UBASH3B: variants seen among roughly 807,000 people sequenced by gnomAD.
The protein encoded by UBASH3B is ubiquitin associated and SH3 domain containing B.
Under a neutral mutation model 83.4 loss-of-function variants are expected in UBASH3B, and 37 were observed. The ratio of observed to expected loss-of-function variants is 0.44; its 90% CI spans 0.34 to 0.58. UBASH3B has a LOEUF of 0.58. Ranked by LOEUF, UBASH3B falls within the 20% of genes least tolerant of loss-of-function variation. The pLI, the probability that UBASH3B is intolerant of heterozygous loss-of-function variation, is 0.01. For missense variants in UBASH3B, 657 were observed against 827.2 expected, an observed-to-expected ratio of 0.79 and a Z score of 2.52; for synonymous variants, 304 against 318.3, an observed-to-expected ratio of 0.96 and a Z score of 0.48.
chr11:122,670,111 G>T (rs965897284), intron 1 of UBASH3B, among the ~76,000 whole-genome samples: 1 of 152,156 alleles, frequency 6.6e-6, no homozygotes, highest in African/African-American at 2.4e-5. Context: ...CTAGTGATGT[G>T]GTCTGGAGTT....
intron 1 of UBASH3B, among the ~76,000 whole-genome samples, chr11:122,762,455 C>A (rs1193604511): frequency 1.3e-5 from 2 of 152,210 alleles, no homozygotes; most frequent in African/African-American, 4.8e-5. Flanking sequence ...AGGGCTATCA[C>A]TCTTCTGTTA....
chr11:122,779,334 A>C, intron 3 of UBASH3B, 163 bp from the exon 4 acceptor site: 1 of 699,880 alleles, frequency 1.4e-6, no homozygotes, highest in South Asian at 1.7e-5. Context: ...TGTCTGAATA[A>C]TTGGAAGTCT....
In UBASH3B at chr11:122,789,163, G is replaced by T. The variant is rs1251480401; in HGVS notation, c.835G>T (p.Asp279Tyr). The change falls in exon 6 of 14, where the codon GAC becomes TAC. Residue 279 changes from aspartate to tyrosine, a missense_variant. Around this residue, in one of 3 missense-constraint regions of UBASH3B, gnomAD observed 573 missense variants for 739.0 expected, o/e 0.78. Coordinates refer to ENST00000284273, the MANE Select transcript of UBASH3B (RefSeq NM_032873.5). ...NDDELELVPGDFIFMSPMEQT... is the reference protein window; with the variant it reads ...NDDELELVPGYFIFMSPMEQT... ...CGATGAGCTGGAGCTGGTCCCCGGG[G>T]ACTTCATCTTCATGTCTCCAATGGA... 1.2e-6 allele frequency: 2 copies of T among 1,614,012 alleles called. No individual in the cohort carries two copies. The highest frequency in any genetic ancestry group is 2.2e-5 in the East Asian group (1 of 44,874).
intron 3 of UBASH3B, among the ~76,000 whole-genome samples, chr11:122,778,090 A>C (rs1364876596): frequency 6.6e-6 from 1 of 152,170 alleles, no homozygotes; most frequent in Non-Finnish European, 1.5e-5. Flanking sequence ...TGTCTACTTT[A>C]GCTCTCTGTG....
At chr11:122,808,667 C>T (rs767567966) in intron 13 of UBASH3B, among the ~76,000 whole-genome samples, 9 of 152,216 alleles carry the variant, frequency 5.9e-5, no homozygotes. Context: ...CTGGAGTCTT[C>T]CTTTCTGTGC....
At chr11:122,671,388 A>G (rs568788837) in intron 1 of UBASH3B, among the ~76,000 whole-genome samples, 1 of 152,318 alleles carries the variant, frequency 6.6e-6, no homozygotes, top group East Asian at 1.9e-4. Flanking sequence ...ATTAGCCAGC[A>G]TGGTGGTGTG....
At chr11:122,781,900 G>C (rs1025072116) in intron 4 of UBASH3B, among the ~76,000 whole-genome samples, 1 of 152,160 alleles carries the variant, frequency 6.6e-6, no homozygotes, top group African/African-American at 2.4e-5. Context: ...ACCAAAGAAA[G>C]GCAATGCAGT....
Position 122,813,234 on chromosome 11 carries a change from G to T in UBASH3B, c.*3348G>T, listed in dbSNP as rs1861480235. The T allele has an allele frequency of 6.6e-6, 1 of 152,168 alleles. No homozygotes were observed. Among genetic ancestry groups the T allele is most frequent in the African/African-American group, 2.4e-5 (1 of 41,452 alleles). 9.4% of individuals were successfully genotyped at this position (152,168 alleles called of 1,614,324 possible). A position where few individuals can be genotyped will look rare whatever the true frequency, so the allele number is the denominator to read the frequency against. On this transcript the variant is annotated 3_prime_UTR_variant, in exon 14 of 14. Transcript: ENST00000284273. The stretch of plus-strand genomic sequence containing the variant: ...TTGTGCTTAACATTACCATAAGTGT[G>T]TCTTTTCCACTCAACTAGCTGTATT...
chr11:122,688,147 G>T (rs918723557), intron 1 of UBASH3B, among the ~76,000 whole-genome samples: 1 of 152,020 alleles, frequency 6.6e-6, no homozygotes, highest in African/African-American at 2.4e-5. Context: ...TTTAATTGGG[G>T]TGATGACAAT....
intron 1 of UBASH3B, among the ~76,000 whole-genome samples, chr11:122,671,292 G>A (rs1863590269): frequency 6.6e-6 from 1 of 152,140 alleles, no homozygotes; most frequent in African/African-American, 2.4e-5. Flanking sequence ...TTGGGAGGAT[G>A]AGGCAGGCAG....
Position 122,759,887 on chromosome 11 carries a change from T to C in UBASH3B, c.162-16332T>C, listed in dbSNP as rs566773893. 4.8e-4 allele frequency among the ~76,000 whole-genome samples: 73 copies of C among 152,192 alleles called. No individual in the cohort carries two copies. Among genetic ancestry groups the C allele is most frequent in the Non-Finnish European group, 9.3e-4 (63 of 68,024 alleles). On this transcript the variant is annotated intron_variant, in intron 1 of 13. Transcript: ENST00000284273. This position sits in a 1 kb window ranked among gnomAD's most constrained non-coding sequence, Gnocchi z 4.1. ...GTGTCTTATGTGTGTCATAATGGAA[T>C]AGCACAAGTGATTCCATCACCTTTG...
chr11:122,738,718 G>A (rs184117363), intron 1 of UBASH3B, among the ~76,000 whole-genome samples: 12 of 152,052 alleles, frequency 7.9e-5, no homozygotes, highest in Admixed American at 2.6e-4. Context: ...GAGAAACCCC[G>A]TCTCTACAAA....
At chr11:122,746,733 C>G (rs571642268) in intron 1 of UBASH3B, among the ~76,000 whole-genome samples, 6 of 152,152 alleles carry the variant, frequency 3.9e-5, no homozygotes, top group Admixed American at 3.9e-4. Flanking sequence ...TCATTCTGTA[C>G]TTATTTCATG....
At chr11:122,785,430 G>A (rs1315286100) in intron 5 of UBASH3B, among the ~76,000 whole-genome samples, 2 of 152,164 alleles carry the variant, frequency 1.3e-5, no homozygotes, top group Non-Finnish European at 2.9e-5. Flanking sequence ...GAGAAGGAGA[G>A]TGGTTTAGGC....
intron 1 of UBASH3B, among the ~76,000 whole-genome samples, chr11:122,657,080 C>A (rs1205435758): frequency 3.3e-5 from 5 of 152,192 alleles, no homozygotes; most frequent in Non-Finnish European, 5.9e-5. Context: ...CAAGGCCCAG[C>A]GGCCAGGCCC....
rs71054088 is a variant in UBASH3B, at chr11:122,694,954, C to CTTTTTTTTTTTTT, written c.161+38759_161+38771dup. Among the ~76,000 whole-genome samples the CTTTTTTTTTTTTT allele has an allele frequency of 1.3e-3, 65 of 50,424 alleles. 4 individuals carry two copies. The highest frequency in any genetic ancestry group is 4.7e-3 in the East Asian group (5 of 1,054). 33.1% of individuals were successfully genotyped at this position (50,424 alleles called of 152,430 possible). A position where few individuals can be genotyped will look rare whatever the true frequency, so the allele number is the denominator to read the frequency against. On this transcript the variant is annotated intron_variant, in intron 1 of 13. Transcript: ENST00000284273. ...TATTTATTTTTCTTTTCTTTTCTTTCTTTTTTTTTTTTTTTTTTTTTTTTT... is the reference window on the plus strand; with the variant it reads ...TATTTATTTTTCTTTTCTTTTCTTTCTTTTTTTTTTTTTTTTTTTTTTTTTTTTTTTTTTTTTT...
rs1861122544 is a variant in UBASH3B at position 122,794,695 on chromosome 11, T to C, written c.981-7T>C. On this transcript the variant is annotated splice_polypyrimidine_tract_variant and splice_region_variant and intron_variant, in intron 6 of 13. Coordinates refer to ENST00000284273, the MANE Select transcript of UBASH3B (RefSeq NM_032873.5). ...GCAGTTAACACCTTCCTTATCTTCC[T>C]CTGCAGTTCTTATTCAATCTTAAAT... 1 of 1,614,076 alleles carries C rather than the reference T, an allele frequency of 6.2e-7. No homozygotes were observed. The highest frequency in any genetic ancestry group is 8.5e-7 in the Non-Finnish European group (1 of 1,179,986).
At chr11:122,723,798 A>C (rs758017923) in intron 1 of UBASH3B, among the ~76,000 whole-genome samples, 2 of 152,326 alleles carry the variant, frequency 1.3e-5, no homozygotes, top group Middle Eastern at 3.4e-3. Flanking sequence ...GAAACCTCAA[A>C]AATCTCAAGT....
intron 1 of UBASH3B, among the ~76,000 whole-genome samples, chr11:122,698,494 G>A (rs1255661609): frequency 6.6e-6 from 1 of 152,184 alleles, no homozygotes; most frequent in Non-Finnish European, 1.5e-5. Context: ...ATGGTATAAG[G>A]CTAAAGAAGA....
Sources: gnomAD v4.1 joint callset for allele counts (sites outside exome capture counted in the v4.1 genomes callset) on GRCh38, gnomAD v4.1.1 for gene constraint, gnomAD v4.1.1 regional missense constraint, Gnocchi (gnomAD v3.1) non-coding constraint, MANE v1.5 for transcripts, NCBI Gene and HGNC (gene_info 2026-07-23, HGNC 2026-07-21) for gene names.